The following ZMYND8 variants were observed in gnomAD, a reference collection of about 807,000 sequenced individuals.
ZMYND8 encodes the protein MYND-type zinc finger-containing chromatin reader ZMYND8.
ZMYND8 carries 37 observed loss-of-function variants against 140.8 expected under a neutral mutation model. The observed-to-expected ratio is 0.26, with a 90% CI of 0.20 to 0.35. The LOEUF is 0.35. Ranked by LOEUF, ZMYND8 falls within the 10% of genes least tolerant of loss-of-function variation. ZMYND8 has a pLI of 1.00. For synonymous variants in ZMYND8, 592 were observed against 597.1 expected (o/e 0.99, Z 0.12); for missense variants, 1,068 against 1,570.0 (o/e 0.68, Z 5.40).
rs896604944 is a variant in ZMYND8, at chr20:47,276,210, C to T, written c.1480+104G>A. The T allele has an allele frequency of 7.8e-6, 11 of 1,402,124 alleles. No homozygotes were observed. In the African/African-American group the frequency reaches 1.1e-4, roughly 15 times the overall value. 86.9% of individuals were successfully genotyped at this position (1,402,124 alleles called of 1,614,324 possible). A position where few individuals can be genotyped will look rare whatever the true frequency, so the allele number is the denominator to read the frequency against. On this transcript the variant is annotated intron_variant, in intron 11 of 22. Coordinates refer to ENST00000471951, the MANE Select transcript of ZMYND8 (RefSeq NM_001281775.3). ...CTGCTCTGTGGCCCCCTACAGTTCC[C>T]CACGATTGCTTGATGCTCACCTGCT...
intron 1 of ZMYND8, among the ~76,000 whole-genome samples, chr20:47,350,861 C>T (rs1424936606): frequency 1.3e-5 from 2 of 152,052 alleles, no homozygotes; most frequent in South Asian, 2.1e-4. Flanking sequence ...ACTGGGGGCC[C>T]GCTACAGAAA....
intron 3 of ZMYND8, among the ~76,000 whole-genome samples, chr20:47,302,734 T>G (rs1403395402): frequency 6.6e-6 from 1 of 152,138 alleles, no homozygotes; most frequent in African/African-American, 2.4e-5. Flanking sequence ...CAACGTTGAA[T>G]CCAGGAGAGT....
At chr20:47,326,101 G>A (rs1021961954) in intron 2 of ZMYND8, among the ~76,000 whole-genome samples, 1 of 152,150 alleles carries the variant, frequency 6.6e-6, no homozygotes, top group Non-Finnish European at 1.5e-5. Context: ...GGGATTACAG[G>A]TGCCCGCTAC....
chr20:47,223,354 A>G (rs951760151), intron 19 of ZMYND8, among the ~76,000 whole-genome samples: 1 of 151,764 alleles, frequency 6.6e-6, no homozygotes, highest in Non-Finnish European at 1.5e-5. Flanking sequence ...AATAATACAA[A>G]AATTAGCTGC....
At position 47,298,537 on chromosome 20, in the gene ZMYND8, C is replaced by G; in HGVS notation, c.453+192G>C. ...CAGAAATAATATTCCGTGCAATTGT[C>G]TTTCCAAGAGCTGCAGTACTGCAGC... is the stretch of plus-strand genomic sequence containing the variant. On this transcript the variant is annotated intron_variant, in intron 4 of 22. Coordinates refer to ENST00000471951, the MANE Select transcript of ZMYND8 (RefSeq NM_001281775.3). The surrounding 1 kb of genome is among the most constrained non-coding windows in gnomAD (Gnocchi z 5.0). 1.0e-6 allele frequency: 1 copy of G among 985,426 alleles called. No individual in the cohort carries two copies. Among genetic ancestry groups the G allele is most frequent in the Non-Finnish European group, 1.2e-6 (1 of 829,924 alleles). 61.0% of individuals were successfully genotyped at this position (985,426 alleles called of 1,614,324 possible).
rs1267512709 is a variant in ZMYND8 at position 47,239,074 on chromosome 20, G to A, written c.2349C>T (p.Leu783=). 1.9e-6 allele frequency: 3 copies of A among 1,546,808 alleles called. No individual in the cohort carries two copies. Among genetic ancestry groups the A allele is most frequent in the Non-Finnish European group, 2.6e-6 (3 of 1,147,088 alleles). ...CGGAAGTTTGGGCGGAAGAGCGGGT[G>A]AGCACCGGTGTTTCCGGGGGAGAAT... ...GSHSPPETPV[L]TRSSAQTSAA... is the part of the protein sequence containing the mutation. The change falls in exon 15 of 23, where the codon CTC becomes CTT. Residue 783 remains leucine (L), a synonymous_variant. Transcript: ENST00000471951.
intron 6 of ZMYND8, among the ~76,000 whole-genome samples, chr20:47,290,736 C>T (rs113834538): frequency 0.12 from 17,455 of 151,410 alleles, 1,145 homozygotes; most frequent in South Asian, 0.27. Flanking sequence ...GAATTACAGG[C>T]GTGTGCTACC....
At chr20:47,250,510 TC>T (rs1387376576) in intron 12 of ZMYND8, among the ~76,000 whole-genome samples, 1 of 152,170 alleles carries the variant, frequency 6.6e-6, no homozygotes, top group Non-Finnish European at 1.5e-5. Flanking sequence ...CTGAGCCTGT[TC>T]CCAACAGCTA....
At chr20:47,313,868 G>A (rs572877765) in intron 2 of ZMYND8, among the ~76,000 whole-genome samples, 3 of 151,988 alleles carry the variant, frequency 2.0e-5, no homozygotes, top group Non-Finnish European at 4.4e-5. Context: ...AGGAGGCAGG[G>A]GTTGCAGTGA....
intron 12 of ZMYND8, among the ~76,000 whole-genome samples, chr20:47,258,595 C>T (rs532457427): frequency 1.3e-5 from 2 of 152,172 alleles, no homozygotes; most frequent in African/African-American, 4.8e-5. Flanking sequence ...ATCTGTTCCC[C>T]ATCTCTGTAA....
intron 17 of ZMYND8, 52 bp from the exon 18 acceptor site, chr20:47,227,333 G>A: frequency 6.3e-7 from 1 of 1,577,504 alleles, no homozygotes; most frequent in Non-Finnish European, 8.7e-7. Flanking sequence ...CAGTTCACCA[G>A]GAGGGCTCAG....
chr20:47,299,567 AT>A (rs112728686), intron 3 of ZMYND8, among the ~76,000 whole-genome samples: 18,253 of 150,670 alleles, frequency 0.12, 1,140 homozygotes, highest in Middle Eastern at 0.16. Flanking sequence ...TGGTTACCTA[AT>A]TTTTTTTTTC....
At chr20:47,319,072 G>A (rs1284301075) in intron 2 of ZMYND8, 1 of 1,334,130 alleles carries the variant, frequency 7.5e-7, no homozygotes, top group Admixed American at 2.0e-5. Flanking sequence ...CCAGGGGGAG[G>A]AGGAAGAAGC....
At chr20:47,265,780 A>C (rs2075477616) in intron 11 of ZMYND8, among the ~76,000 whole-genome samples, 2 of 152,208 alleles carry the variant, frequency 1.3e-5, no homozygotes, top group African/African-American at 4.8e-5. Context: ...ATGTGTGCTA[A>C]AAAATTAATA....
At chr20:47,276,128 C>T (rs1323604610) in intron 11 of ZMYND8, among the ~76,000 whole-genome samples, 186 bp downstream of exon 11, 1 of 152,186 alleles carries the variant, frequency 6.6e-6, no homozygotes, top group African/African-American at 2.4e-5. Context: ...TTTGGGGACA[C>T]TTTTCTCATT....
rs1020148736 is a variant in ZMYND8, at chr20:47,212,646, C to T, written c.3564G>A (p.Gln1188=). 3.7e-6 allele frequency: 6 copies of T among 1,613,744 alleles called. No individual in the cohort carries two copies. In the Admixed American group the frequency reaches 1.0e-4, roughly 27 times the overall value. The change falls in exon 22 of 23, where the codon CAG becomes CAA. Residue 1188 remains glutamine (Q), a synonymous_variant. Transcript: ENST00000471951. Reference sequence around the variant, plus strand: ...GTAAGACAGGTTCATACTTACACTTCTGGGCGGGGTAGTTGGGGTGCGGCT... The same window carrying T: ...GTAAGACAGGTTCATACTTACACTTTTGGGCGGGGTAGTTGGGGTGCGGCT... ...DHQPHPNYPA[Q]KYHSRSNKSS... is the part of the protein sequence containing the mutation.
chr20:47,216,518 A>AAAAG (rs1223318217), intron 21 of ZMYND8, among the ~76,000 whole-genome samples: 1 of 145,364 alleles, frequency 6.9e-6, no homozygotes, highest in East Asian at 2.0e-4. Flanking sequence ...AAAAAAAAAA[A>AAAAG]GGGCCGGGCT....
intron 2 of ZMYND8, among the ~76,000 whole-genome samples, chr20:47,311,831 C>T (rs2078957865): frequency 6.6e-6 from 1 of 152,208 alleles, no homozygotes; most frequent in South Asian, 2.1e-4. Flanking sequence ...GATCACACCA[C>T]TGCACTCAAG....
At chr20:47,355,280 T>C (rs1362292682) in intron 1 of ZMYND8, among the ~76,000 whole-genome samples, 2 of 152,174 alleles carry the variant, frequency 1.3e-5, no homozygotes, top group Admixed American at 6.5e-5. Flanking sequence ...GGAAAAACAG[T>C]GGATTCAAAC....
Sources: gnomAD v4.1 joint callset for allele counts (sites outside exome capture counted in the v4.1 genomes callset) on GRCh38, gnomAD v4.1.1 for gene constraint, Gnocchi (gnomAD v3.1) non-coding constraint, MANE v1.5 for transcripts, NCBI Gene and HGNC (gene_info 2026-07-23, HGNC 2026-07-21) for gene names.